TRIP12: variants seen among roughly 807,000 people sequenced by gnomAD.
The protein encoded by TRIP12 is thyroid hormone receptor interactor 12.
TRIP12 carries 25 observed loss-of-function variants against 244.2 expected under a neutral mutation model. The observed-to-expected ratio is 0.10, with a 90% CI of 0.07 to 0.14. The LOEUF is 0.14. Ranked by LOEUF, TRIP12 falls within the 10% of genes least tolerant of loss-of-function variation. The probability of loss-of-function intolerance (pLI) is 1.00; values close to 1 mark genes in which losing one functional copy is unlikely to be tolerated. For synonymous variants in TRIP12, 905 were observed against 873.1 expected (o/e 1.04, Z -0.64); for missense variants, 1,677 against 2,486.4 (o/e 0.67, Z 6.92).
chr2:229,792,960 A>T lies in TRIP12; in HGVS notation c.4141+13T>A, dbSNP rs752451837. The T allele has an allele frequency of 6.2e-7, 1 of 1,607,214 alleles. No homozygotes were observed. The highest frequency in any genetic ancestry group is 8.5e-7 in the Non-Finnish European group (1 of 1,177,042). On this transcript the variant is annotated intron_variant, in intron 27 of 41. Coordinates refer to ENST00000675903, the MANE Select transcript of TRIP12 (RefSeq NM_001348323.3). ...TACATATATAACACACGAAACAAAT[A>T]TATGGAAAGTACCTCTAACTACAAG...
At chr2:229,789,806 A>G (rs1559413293) in intron 30 of TRIP12, 44 bp from the exon 31 acceptor site, 6 of 1,605,998 alleles carry the variant, frequency 3.7e-6, no homozygotes, top group Non-Finnish European at 5.1e-6. Context: ...AAAGTTAGAA[A>G]GGCTAAGCCA....
At chr2:229,877,553 T>C (rs987469160) in intron 2 of TRIP12, among the ~76,000 whole-genome samples, 1 of 152,110 alleles carries the variant, frequency 6.6e-6, no homozygotes, top group Non-Finnish European at 1.5e-5. Flanking sequence ...TTAAAAAAAA[T>C]TTTTTAATCT....
chr2:229,850,380 G>A (rs1347939441), intron 4 of TRIP12, among the ~76,000 whole-genome samples: 1 of 152,164 alleles, frequency 6.6e-6, no homozygotes, highest in Non-Finnish European at 1.5e-5. Context: ...AAACTTTTAA[G>A]TTGCTAAATT....
At chr2:229,858,367 A>C (rs1201929496) in intron 4 of TRIP12, among the ~76,000 whole-genome samples, 1 of 152,224 alleles carries the variant, frequency 6.6e-6, no homozygotes, top group African/African-American at 2.4e-5. Context: ...CATCTAAAAA[A>C]ACATATATAT....
chr2:229,840,808 A>AC lies in TRIP12; in HGVS notation c.1133+13_1133+14insG. The AC allele has an allele frequency of 6.4e-7, 1 of 1,555,912 alleles. No homozygotes were observed. The highest frequency in any genetic ancestry group is 1.4e-5 in the African/African-American group (1 of 71,782). On this transcript the variant is annotated intron_variant, in intron 5 of 41. Transcript: ENST00000675903. ...TAAAAATGAACTCACTATAAAAAAA[A>AC]AAAAACAAATTACCTGGTACTAGCA... is the stretch of plus-strand genomic sequence containing the variant.
chr2:229,779,579 T>A (rs756114833), intron 34 of TRIP12, among the ~76,000 whole-genome samples: 5 of 152,156 alleles, frequency 3.3e-5, no homozygotes, highest in Non-Finnish European at 7.3e-5. Flanking sequence ...ATATGTCGAA[T>A]AAAATACAAA....
intron 40 of TRIP12, 102 bp from the exon 41 acceptor site, chr2:229,768,821 T>C (rs781695601): frequency 8.4e-6 from 9 of 1,067,714 alleles, no homozygotes; most frequent in Non-Finnish European, 1.1e-5. Context: ...ATTAGCACTT[T>C]TAAATTACAC....
rs1462279427 is a variant in TRIP12, at chr2:229,765,298, A to T, written c.*2256T>A. On this transcript the variant is annotated 3_prime_UTR_variant, in exon 42 of 42. Coordinates refer to ENST00000675903, the MANE Select transcript of TRIP12 (RefSeq NM_001348323.3). ...GTGCTCGTTGATAGGATTACCAAGC[A>T]AATGAATTTAAGGCATAACTGGAGT... 1 of 152,232 alleles carries T rather than the reference A, an allele frequency of 6.6e-6. No individual in the cohort carries two copies. Among genetic ancestry groups the T allele is most frequent in the Non-Finnish European group, 1.5e-5 (1 of 68,040 alleles). 9.4% of individuals were successfully genotyped at this position (152,232 alleles called of 1,614,324 possible). A position where few individuals can be genotyped will look rare whatever the true frequency, so the allele number is the denominator to read the frequency against.
intron 4 of TRIP12, among the ~76,000 whole-genome samples, chr2:229,851,696 G>A (rs933441190): frequency 1.3e-5 from 2 of 152,082 alleles, no homozygotes; most frequent in African/African-American, 2.4e-5. Context: ...GCAAGACCAT[G>A]AGCCCACCGG....
At chr2:229,785,334 T>C (rs549011673) in intron 34 of TRIP12, among the ~76,000 whole-genome samples, 34 of 152,314 alleles carry the variant, frequency 2.2e-4, no homozygotes, top group Admixed American at 1.2e-3. Flanking sequence ...GGGGGCACTT[T>C]TTGTGGTGAT....
chr2:229,770,509 C>T (rs116678875), intron 39 of TRIP12, among the ~76,000 whole-genome samples: 138 of 152,316 alleles, frequency 9.1e-4, no homozygotes, highest in African/African-American at 3.2e-3. Context: ...AGTGAACATA[C>T]ACTCTAAAAC....
intron 2 of TRIP12, among the ~76,000 whole-genome samples, chr2:229,875,841 G>A (rs1048436861): frequency 2.0e-5 from 3 of 152,162 alleles, no homozygotes; most frequent in African/African-American, 4.8e-5. Flanking sequence ...AAGGCTAAAC[G>A]AGTCACATGA....
intron 9 of TRIP12, among the ~76,000 whole-genome samples, chr2:229,818,038 G>GGCTAAAA (rs1280310787): frequency 2.6e-5 from 4 of 151,946 alleles, no homozygotes. Flanking sequence ...ATTGCTCCGT[G>GGCTAAAA]GATCACCAGG....
At chr2:229,902,214 C>T (rs1375256812) in intron 1 of TRIP12, among the ~76,000 whole-genome samples, 2 of 151,954 alleles carry the variant, frequency 1.3e-5, no homozygotes, top group African/African-American at 4.8e-5. Flanking sequence ...TGAAACCCCG[C>T]CTCTGCTAAA....
At position 229,802,154 on chromosome 2, in the gene TRIP12, A is replaced by G. The variant is rs2044546372; in HGVS notation, c.3206+98T>C. The G allele has an allele frequency of 6.0e-6, 5 of 835,740 alleles. No individual in the cohort carries two copies. In the East Asian group the frequency reaches 8.8e-5, roughly 15 times the overall value. 51.8% of individuals were successfully genotyped at this position (835,740 alleles called of 1,614,324 possible). A position where few individuals can be genotyped will look rare whatever the true frequency, so the allele number is the denominator to read the frequency against. Reference sequence around the variant, plus strand: ...ACAAAAGGAAAAATATAATATATATATGCTAATATGTTACCATTTTACTCC... The same window carrying G: ...ACAAAAGGAAAAATATAATATATATGTGCTAATATGTTACCATTTTACTCC... On this transcript the variant is annotated intron_variant, in intron 21 of 41. Transcript: ENST00000675903.
chr2:229,856,832 G>C lies in TRIP12; in HGVS notation c.1027+1940C>G, dbSNP rs544884468. Reference sequence around the variant, plus strand: ...TTTTTCCTTCTCACTTCAAGATACTGATCTAGCCTATCTTAATCCTTTAAA... The same window carrying C: ...TTTTTCCTTCTCACTTCAAGATACTCATCTAGCCTATCTTAATCCTTTAAA... On this transcript the variant is annotated intron_variant, in intron 4 of 41. Transcript: ENST00000675903. Among the ~76,000 whole-genome samples the C allele has an allele frequency of 3.3e-5, 5 of 152,238 alleles. No homozygotes were observed. The East Asian group carries it at 7.7e-4, about 23-fold the overall frequency.
At chr2:229,889,931 T>C (rs2066923626) in intron 1 of TRIP12, among the ~76,000 whole-genome samples, 1 of 152,164 alleles carries the variant, frequency 6.6e-6, no homozygotes, top group Non-Finnish European at 1.5e-5. Flanking sequence ...GTGCTCCCTA[T>C]GGACAAAAAC....
chr2:229,842,719 C>T (rs921905916), intron 4 of TRIP12, among the ~76,000 whole-genome samples: 2 of 152,278 alleles, frequency 1.3e-5, no homozygotes, highest in Non-Finnish European at 2.9e-5. Context: ...CAGTAGCACA[C>T]ACTTTTGCAT....
At chr2:229,803,394 G>A (rs958606442) in intron 20 of TRIP12, among the ~76,000 whole-genome samples, 177 bp downstream of exon 20, 2 of 152,328 alleles carry the variant, frequency 1.3e-5, no homozygotes, top group African/African-American at 2.4e-5. Context: ...GGTTACAGGC[G>A]TGAGCCACCA....
Sources: allele counts gnomAD v4.1 joint callset (sites outside exome capture counted in the v4.1 genomes callset), GRCh38; gene constraint gnomAD v4.1.1; transcripts MANE v1.5; gene names NCBI Gene and HGNC (gene_info 2026-07-23, HGNC 2026-07-21).